MED13L: variants seen among roughly 807,000 people sequenced by gnomAD.
MED13L encodes the protein mediator complex subunit 13L, also known as mediator of RNA polymerase II transcription subunit 13-like.
In MED13L, 7 loss-of-function variants were observed where a neutral mutation model predicts 220.9. The ratio of observed to expected loss-of-function variants is 0.03; its 90% CI spans 0.02 to 0.06. MED13L has a LOEUF of 0.06. Among genes scored for constraint, MED13L ranks in the 10% least tolerant of loss-of-function variants. MED13L has a pLI of 1.00. For synonymous variants in MED13L, 1,011 were observed against 1,015.2 expected (o/e 1.00, Z 0.08); for missense variants, 1,965 against 2,760.5 (o/e 0.71, Z 6.46).
At chr12:116,114,922 A>C (rs1278993613) in intron 2 of MED13L, among the ~76,000 whole-genome samples, 1 of 152,192 alleles carries the variant, frequency 6.6e-6, no homozygotes, top group East Asian at 1.9e-4. Flanking sequence ...CAATACTAAC[A>C]AACGAAATAA....
intron 9 of MED13L, 129 bp from the exon 10 acceptor site, chr12:116,009,261 C>A: frequency 1.2e-6 from 1 of 832,244 alleles, no homozygotes; most frequent in Non-Finnish European, 1.9e-6. Flanking sequence ...TTTAATTATA[C>A]TTATATAACT....
intron 17 of MED13L, 37 bp from the exon 18 acceptor site, chr12:115,987,325 G>A (rs745706725): frequency 1.3e-6 from 2 of 1,588,592 alleles, no homozygotes; most frequent in Non-Finnish European, 1.7e-6. Flanking sequence ...GAAGATAAGG[G>A]GGCTAGCACC....
chr12:115,983,679 CCA>C (rs1323716503), intron 20 of MED13L, 139 bp from the exon 21 acceptor site: 13 of 918,704 alleles, frequency 1.4e-5, no homozygotes, highest in Non-Finnish European at 2.2e-5. Context: ...AATACTATCT[CCA>C]CAGTCATGCT....
intron 9 of MED13L, among the ~76,000 whole-genome samples, chr12:116,012,420 A>C (rs1879465424): frequency 6.6e-6 from 1 of 152,212 alleles, no homozygotes; most frequent in African/African-American, 2.4e-5. Flanking sequence ...AATTATCTAC[A>C]GAAAGTCTCT....
chr12:116,249,734 CAAAAAAAAAA>C (rs58809334), intron 1 of MED13L, among the ~76,000 whole-genome samples: 244 of 19,618 alleles, frequency 0.012, 4 homozygotes, highest in African/African-American at 0.051. Flanking sequence ...AGTACCTACC[CAAAAAAAAAA>C]AAAAAAAAAA....
At chr12:116,101,522 G>C (rs903368813) in intron 3 of MED13L, among the ~76,000 whole-genome samples, 4 of 152,216 alleles carry the variant, frequency 2.6e-5, no homozygotes, top group Non-Finnish European at 4.4e-5. Context: ...TCTCGCTAAT[G>C]CAACAGTGGT....
chr12:116,096,660 A>C lies in MED13L; in HGVS notation c.479+9T>G. The C allele has an allele frequency of 2.5e-6, 4 of 1,613,208 alleles. No homozygotes were observed. The highest frequency in any genetic ancestry group is 3.4e-6 in the Non-Finnish European group (4 of 1,179,198). On this transcript the variant is annotated intron_variant, in intron 4 of 30. Transcript: ENST00000281928. ...AAACCAAAAAGCCAAGAGCATTCTA[A>C]AGGCTCACCTTTTGTTGACTGGCTT... is the stretch of plus-strand genomic sequence containing the variant.
intron 1 of MED13L, among the ~76,000 whole-genome samples, chr12:116,274,967 A>G (rs1873689320): frequency 6.6e-6 from 1 of 151,606 alleles, no homozygotes; most frequent in Non-Finnish European, 1.5e-5. Context: ...TATCTCTGTA[A>G]CGTTATCATC....
intron 16 of MED13L, among the ~76,000 whole-genome samples, chr12:115,992,962 A>C (rs1228992698): frequency 6.6e-6 from 1 of 152,158 alleles, no homozygotes; most frequent in Non-Finnish European, 1.5e-5. Context: ...CTGTGGATTC[A>C]GCCATATACA....
chr12:116,269,466 CAAAAAAA>C (rs34100053), intron 1 of MED13L, among the ~76,000 whole-genome samples: 103 of 69,136 alleles, frequency 1.5e-3, no homozygotes, highest in African/African-American at 2.1e-3. Context: ...TTAAACTATG[CAAAAAAA>C]AAAAAAAAAA....
At chr12:115,971,877 G>A (rs564712757) in intron 26 of MED13L, among the ~76,000 whole-genome samples, 2 of 152,160 alleles carry the variant, frequency 1.3e-5, no homozygotes, top group Admixed American at 6.5e-5. Flanking sequence ...TCTCTCCCCC[G>A]AGCTATGGTC....
chr12:116,002,662 T>C (rs902174500), intron 14 of MED13L, among the ~76,000 whole-genome samples: 8 of 152,204 alleles, frequency 5.3e-5, no homozygotes, highest in Non-Finnish European at 8.8e-5. Flanking sequence ...AGTCTTATAA[T>C]AGAGTATCAG....
At chr12:116,177,967 CCT>C (rs1157304725) in intron 2 of MED13L, among the ~76,000 whole-genome samples, 2 of 152,122 alleles carry the variant, frequency 1.3e-5, no homozygotes, top group African/African-American at 2.4e-5. Context: ...GTGATGCTCC[CCT>C]GTCAGCCTCT....
chr12:115,996,751 C>T, intron 15 of MED13L, 70 bp from the exon 16 acceptor site: 1 of 1,391,684 alleles, frequency 7.2e-7, no homozygotes, highest in South Asian at 1.2e-5. Context: ...TGGCATAGTG[C>T]TATCATAAAA....
intron 14 of MED13L, among the ~76,000 whole-genome samples, chr12:116,001,108 C>T (rs1300590470): frequency 6.6e-6 from 1 of 152,070 alleles, no homozygotes; most frequent in South Asian, 2.1e-4. Context: ...TTTTAAATAG[C>T]CACTAGAAAA....
At chr12:116,242,782 C>A (rs1351221493) in intron 1 of MED13L, among the ~76,000 whole-genome samples, 1 of 152,180 alleles carries the variant, frequency 6.6e-6, no homozygotes, top group Non-Finnish European at 1.5e-5. Context: ...CAGAGCCACA[C>A]AGGTAGCAAA....
intron 30 of MED13L, among the ~76,000 whole-genome samples, chr12:115,962,422 G>A (rs1875829705): frequency 2.6e-5 from 4 of 152,090 alleles, no homozygotes; most frequent in African/African-American, 9.7e-5. Flanking sequence ...TGTAATGCTC[G>A]CTCACTTGCT....
In MED13L at chr12:115,980,663, C is replaced by A. The variant is rs1164666552; in HGVS notation, c.5364+87G>T. The stretch of plus-strand genomic sequence containing the variant: ...TCAATGTAGAAGACCAACTAAGCAA[C>A]CAGCCAATCTCTGGGTTAGATAAAA... On this transcript the variant is annotated intron_variant, in intron 23 of 30. Coordinates refer to ENST00000281928, the MANE Select transcript of MED13L (RefSeq NM_015335.5). 2.1e-6 allele frequency: 3 copies of A among 1,423,478 alleles called. No individual in the cohort carries two copies. The East Asian group carries it at 6.8e-5, about 32-fold the overall frequency. 88.2% of individuals were successfully genotyped at this position (1,423,478 alleles called of 1,614,324 possible). A position where few individuals can be genotyped will look rare whatever the true frequency, so the allele number is the denominator to read the frequency against.
rs772845336 is a variant in MED13L at position 115,983,342 on chromosome 12, C to G, written c.4730G>C (p.Ser1577Thr). 3 of 1,614,184 alleles carry G rather than the reference C, an allele frequency of 1.9e-6. No homozygotes were observed. The part of the protein sequence containing the change: ...NSSSTNPAAS[S>T]SASGSSVPPV... ...TGGCACAGAGGAACCAGATGCAGAA[C>G]TACTTGCTGCAGGATTTGTAGAACT... Residue 1577 changes from serine to threonine, a missense_variant, in exon 21 of 31, where the codon AGT becomes ACT. Transcript: ENST00000281928.
Sources: allele counts gnomAD v4.1 joint callset (sites outside exome capture counted in the v4.1 genomes callset), GRCh38; gene constraint gnomAD v4.1.1; transcripts MANE v1.5; gene names NCBI Gene and HGNC (gene_info 2026-07-23, HGNC 2026-07-21).